Variants in MAST4 observed in about 807,000 individuals in gnomAD.
MAST4 encodes microtubule associated serine/threonine kinase family member 4, also known as microtubule-associated serine/threonine-protein kinase 4.
In MAST4, 89 loss-of-function variants were observed where a neutral mutation model predicts 162.7. The observed-to-expected ratio is 0.55, with a 90% CI of 0.46 to 0.65. The LOEUF (loss-of-function observed/expected upper bound fraction) is 0.65. MAST4 is among the 30% of genes least tolerant of loss of function. The probability of loss-of-function intolerance (pLI) is 0.00; values close to 1 mark genes in which losing one functional copy is unlikely to be tolerated. For missense variants in MAST4, 3,153 were observed against 3,374.0 expected (o/e 0.93, Z 1.62); for synonymous variants, 1,479 against 1,361.1 (o/e 1.09, Z -1.91).
chr5:67,091,189 C>T (rs1763828423), intron 6 of MAST4, among the ~76,000 whole-genome samples: 1 of 152,200 alleles, frequency 6.6e-6, no homozygotes, highest in Admixed American at 6.5e-5. Flanking sequence ...GCAGTGCCCT[C>T]ACGACCGTTT....
chr5:66,812,531 G>C (rs1039630317), intron 3 of MAST4, among the ~76,000 whole-genome samples: 5 of 152,190 alleles, frequency 3.3e-5, no homozygotes, highest in Admixed American at 6.5e-5. Context: ...GGCTCCGATA[G>C]AACCTGTGTT....
intron 1 of MAST4, among the ~76,000 whole-genome samples, chr5:66,638,004 T>A (rs1260270049): frequency 6.6e-6 from 1 of 152,198 alleles, no homozygotes; most frequent in Non-Finnish European, 1.5e-5. Context: ...TGCCGAGCCT[T>A]TTGATATATC....
chr5:67,089,671 T>C (rs116364738), intron 5 of MAST4, among the ~76,000 whole-genome samples: 2,435 of 152,318 alleles, frequency 0.016, 41 homozygotes, highest in African/African-American at 0.043. Flanking sequence ...AAATATGTGC[T>C]TCAGAATATG....
At chr5:66,923,954 A>G (rs2076347337) in intron 4 of MAST4, among the ~76,000 whole-genome samples, 1 of 152,226 alleles carries the variant, frequency 6.6e-6, no homozygotes. Context: ...GTGTTTTAAA[A>G]ACCTGTCATA....
At chr5:66,833,724 G>A (rs1757769074) in intron 3 of MAST4, among the ~76,000 whole-genome samples, 1 of 152,106 alleles carries the variant, frequency 6.6e-6, no homozygotes, top group South Asian at 2.1e-4. Context: ...ACTGCATTCT[G>A]TTCTGAACTT....
At chr5:66,889,945 T>C (rs1224678226) in intron 3 of MAST4, among the ~76,000 whole-genome samples, 2 of 152,352 alleles carry the variant, frequency 1.3e-5, no homozygotes, top group East Asian at 3.9e-4. Flanking sequence ...TCCTATTTGT[T>C]TAATCACTAT....
At chr5:66,706,239 T>A (rs976990840) in intron 1 of MAST4, among the ~76,000 whole-genome samples, 1 of 151,970 alleles carries the variant, frequency 6.6e-6, no homozygotes, top group Non-Finnish European at 1.5e-5. Flanking sequence ...ACAAAGGACA[T>A]TAGGGAAATG....
rs1044415020 is a variant in MAST4, at chr5:66,615,491, C to T, written c.363+18473C>T. The stretch of plus-strand genomic sequence containing the variant: ...AGCTCTGAGGGATCAGTTTCTACCA[C>T]AGGCCTTGGAATCAGAATGAGTTTG... On this transcript the variant is annotated intron_variant, in intron 1 of 28. Coordinates refer to ENST00000403625, the MANE Select transcript of MAST4 (RefSeq NM_001164664.2). 2.0e-5 allele frequency among the ~76,000 whole-genome samples: 3 copies of T among 152,150 alleles called. No individual in the cohort carries two copies. The South Asian group carries it at 6.2e-4, about 32-fold the overall frequency.
chr5:66,626,706 T>C (rs1367790481), intron 1 of MAST4, among the ~76,000 whole-genome samples: 1 of 152,246 alleles, frequency 6.6e-6, no homozygotes, highest in Non-Finnish European at 1.5e-5. Flanking sequence ...TAGAGAGTTA[T>C]ATGTCAGTGC....
At chr5:66,877,722 C>A (rs905576724) in intron 3 of MAST4, among the ~76,000 whole-genome samples, 3 of 152,136 alleles carry the variant, frequency 2.0e-5, no homozygotes, top group African/African-American at 7.2e-5. Context: ...CCTTAGTGTA[C>A]AGCTTGATGA....
intron 4 of MAST4, among the ~76,000 whole-genome samples, chr5:66,966,827 A>T (rs894257008): frequency 5.9e-5 from 9 of 152,238 alleles, no homozygotes; most frequent in Non-Finnish European, 1.0e-4. Context: ...ATAATTTTCA[A>T]TGAGTTGACT....
At chr5:66,937,865 GT>G (rs1742929076) in intron 4 of MAST4, among the ~76,000 whole-genome samples, 1 of 151,750 alleles carries the variant, frequency 6.6e-6, no homozygotes, top group African/African-American at 2.4e-5. Flanking sequence ...TTTCTAAAGT[GT>G]TTTCTTTTCC....
chr5:66,858,337 A>G (rs1580676787), intron 3 of MAST4, among the ~76,000 whole-genome samples: 1 of 152,150 alleles, frequency 6.6e-6, no homozygotes, highest in East Asian at 1.9e-4. Context: ...TTGTGTTTTG[A>G]CATTGCTTTT....
intron 4 of MAST4, chr5:66,963,827 T>C (rs1233835187): frequency 6.4e-6 from 5 of 778,376 alleles, no homozygotes; most frequent in Non-Finnish European, 1.2e-5. Flanking sequence ...TGCTTTGTCT[T>C]TCTGTTGCCC....
chr5:66,712,021 AC>A (rs1416777947), intron 1 of MAST4, among the ~76,000 whole-genome samples: 2 of 152,110 alleles, frequency 1.3e-5, no homozygotes, highest in Non-Finnish European at 2.9e-5. Context: ...AGATTGCCAT[AC>A]CTGTTGTGTG....
At chr5:66,706,383 T>C (rs1322839874) in intron 1 of MAST4, among the ~76,000 whole-genome samples, 2 of 152,062 alleles carry the variant, frequency 1.3e-5, no homozygotes, top group African/African-American at 4.8e-5. Context: ...TTATTCATAA[T>C]GCCATATGAA....
At position 66,675,489 on chromosome 5, in the gene MAST4, C is replaced by T. The variant is rs143546583; in HGVS notation, c.363+78471C>T. ...GTGCTGAATTTTAGAAAGGCCTTTC[C>T]TGAACTCCCCCACAAGTCTCATGTC... is the stretch of plus-strand genomic sequence containing the variant. On this transcript the variant is annotated intron_variant, in intron 1 of 28. Transcript: ENST00000403625. Among the ~76,000 whole-genome samples, 444 of 152,242 alleles carry T rather than the reference C, an allele frequency of 2.9e-3. 2 individuals are homozygous for T. Among genetic ancestry groups the T allele is most frequent in the African/African-American group, 0.01 (423 of 41,544 alleles).
At chr5:66,906,650 G>A (rs997379261) in intron 4 of MAST4, among the ~76,000 whole-genome samples, 3 of 152,188 alleles carry the variant, frequency 2.0e-5, no homozygotes, top group African/African-American at 7.2e-5. Context: ...GTCAGGGCAG[G>A]TTGTCGCCCA....
In MAST4 at chr5:66,696,180, AAC is replaced by A. The variant is rs1691591629; in HGVS notation, c.364-63522_364-63521del. On this transcript the variant is annotated intron_variant, in intron 1 of 28. Transcript: ENST00000403625. ...AACACATGGGGATATGGAGGGGAAA[AAC>A]ACACACTGGGGCCTGTTGGGGCGGA... Among the ~76,000 whole-genome samples, 4 of 152,180 alleles carry A rather than the reference AAC, an allele frequency of 2.6e-5. No homozygotes were observed. The South Asian group carries it at 8.3e-4, about 32-fold the overall frequency.
Sources: gnomAD v4.1 joint callset for allele counts (sites outside exome capture counted in the v4.1 genomes callset) on GRCh38, gnomAD v4.1.1 for gene constraint, MANE v1.5 for transcripts, NCBI Gene and HGNC (gene_info 2026-07-23, HGNC 2026-07-21) for gene names.